Variants in PAPPA2 observed in about 807,000 individuals in gnomAD.
PAPPA2 encodes the protein pappalysin 2.
Under a neutral mutation model 176.4 loss-of-function variants are expected in PAPPA2, and 86 were observed. That is an observed-to-expected ratio of 0.49 (90% CI 0.41 to 0.58). The LOEUF (loss-of-function observed/expected upper bound fraction) is 0.58, where lower values mean the gene tolerates loss of function less well. Ranked by LOEUF, PAPPA2 falls within the 20% of genes least tolerant of loss-of-function variation. The pLI is 0.00. For synonymous variants in PAPPA2, 809 were observed against 852.2 expected (o/e 0.95, Z 0.88); for missense variants, 2,073 against 2,256.9 (o/e 0.92, Z 1.65).
intron 2 of PAPPA2, among the ~76,000 whole-genome samples, chr1:176,579,589 T>G (rs1652846352): frequency 6.6e-6 from 1 of 152,210 alleles, no homozygotes; most frequent in Non-Finnish European, 1.5e-5. Flanking sequence ...CAAGTAGTGG[T>G]CTGCAAATTT....
At chr1:176,516,190 AG>A (rs1648899537) in intron 1 of PAPPA2, among the ~76,000 whole-genome samples, 1 of 152,036 alleles carries the variant, frequency 6.6e-6, no homozygotes, top group Non-Finnish European at 1.5e-5. Context: ...CCCAAGCTCA[AG>A]TCCATGGTTG....
Position 176,806,793 on chromosome 1 carries a change from G to A in PAPPA2, c.5202+6661G>A, listed in dbSNP as rs1404229162. On this transcript the variant is annotated intron_variant, in intron 21 of 22. Coordinates refer to ENST00000367662, the MANE Select transcript of PAPPA2 (RefSeq NM_020318.3). ...GTTGTGCTAATTTTTCAGGAATAACGGCAAACCTGTTCTTGTTTCTGGGAA... is the reference window on the plus strand; with the variant it reads ...GTTGTGCTAATTTTTCAGGAATAACAGCAAACCTGTTCTTGTTTCTGGGAA... Among the ~76,000 whole-genome samples the A allele has an allele frequency of 3.3e-5, 5 of 152,114 alleles. No homozygotes were observed. The South Asian group carries it at 1.0e-3, about 32-fold the overall frequency.
intron 3 of PAPPA2, among the ~76,000 whole-genome samples, chr1:176,663,249 A>T (rs1390360121): frequency 6.6e-6 from 1 of 152,112 alleles, no homozygotes; most frequent in Admixed American, 6.5e-5. Flanking sequence ...ACTTCCCATC[A>T]TGGATTGACT....
intron 3 of PAPPA2, among the ~76,000 whole-genome samples, chr1:176,602,323 A>AG (rs1178717597): frequency 6.6e-6 from 1 of 152,186 alleles, no homozygotes; most frequent in Non-Finnish European, 1.5e-5. Flanking sequence ...AGTCCTCAAG[A>AG]GGGTGGCTGG....
In PAPPA2 at chr1:176,845,548, C is replaced by T. The variant is rs549968908; in HGVS notation, c.*3094C>T. 6.6e-6 allele frequency: 1 copy of T among 152,208 alleles called. No individual in the cohort carries two copies. The highest frequency in any genetic ancestry group is 1.5e-5 in the Non-Finnish European group (1 of 68,010). 9.4% of individuals were successfully genotyped at this position (152,208 alleles called of 1,614,324 possible). A position where few individuals can be genotyped will look rare whatever the true frequency, so the allele number is the denominator to read the frequency against. ...GTATTGTAATGTAAAACAGCTACAGCCAGTTATTTTGTAAGATTATAAGTT... is the reference window on the plus strand; with the variant it reads ...GTATTGTAATGTAAAACAGCTACAGTCAGTTATTTTGTAAGATTATAAGTT... On this transcript the variant is annotated 3_prime_UTR_variant, in exon 23 of 23. Transcript: ENST00000367662.
chr1:176,475,348 T>C (rs1652064422), intron 1 of PAPPA2, among the ~76,000 whole-genome samples: 1 of 152,094 alleles, frequency 6.6e-6, no homozygotes, highest in African/African-American at 2.4e-5. Flanking sequence ...CTAGCATAGG[T>C]GAGGAGTTTT....
chr1:176,535,158 A>G (rs1401629592), intron 1 of PAPPA2, among the ~76,000 whole-genome samples: 1 of 152,172 alleles, frequency 6.6e-6, no homozygotes, highest in Admixed American at 6.6e-5. Context: ...AAAATGTGCG[A>G]AAAAAGTGTC....
chr1:176,594,439 A>AT, intron 2 of PAPPA2, 85 bp from the exon 3 acceptor site: 1 of 1,168,550 alleles, frequency 8.6e-7, no homozygotes, highest in Non-Finnish European at 1.2e-6. Flanking sequence ...CATTCTTGTT[A>AT]TTTACATGGG....
chr1:176,635,696 TTTA>T (rs1431501910), intron 3 of PAPPA2, among the ~76,000 whole-genome samples: 4 of 152,164 alleles, frequency 2.6e-5, no homozygotes, highest in Non-Finnish European at 5.9e-5. Context: ...TTGTTCTTCT[TTTA>T]TTATTTTTTT....
At chr1:176,674,739 T>G (rs1381394523) in intron 4 of PAPPA2, among the ~76,000 whole-genome samples, 2 of 151,940 alleles carry the variant, frequency 1.3e-5, no homozygotes, top group Non-Finnish European at 2.9e-5. Context: ...CAAGTGTTTT[T>G]TTTTTTTTTT....
intron 1 of PAPPA2, among the ~76,000 whole-genome samples, chr1:176,464,383 C>G (rs1012849293): frequency 1.3e-5 from 2 of 152,152 alleles, no homozygotes; most frequent in Admixed American, 1.3e-4. Flanking sequence ...ATTTATTGAG[C>G]ACCTACAATG....
rs1161209797 is a variant in PAPPA2 at position 176,843,009 on chromosome 1, T to TTA, written c.*563_*564dup. 6.7e-6 allele frequency: 1 copy of TTA among 149,486 alleles called. No individual in the cohort carries two copies. The highest frequency in any genetic ancestry group is 1.5e-5 in the Non-Finnish European group (1 of 67,458). The allele number at this position is 149,486 out of a possible 1,614,324, so 9.3% of individuals were successfully genotyped here. ...ATTTAAACATAATTATATAAATATA[T>TTA]TATATATATTATATTTTTTGCTGTT... On this transcript the variant is annotated 3_prime_UTR_variant, in exon 23 of 23. Coordinates refer to ENST00000367662, the MANE Select transcript of PAPPA2 (RefSeq NM_020318.3).
chr1:176,754,683 C>T (rs1368271993), intron 14 of PAPPA2, among the ~76,000 whole-genome samples: 1 of 152,258 alleles, frequency 6.6e-6, no homozygotes, highest in African/African-American at 2.4e-5. Context: ...ATGTCACCTA[C>T]TTCCCAATTT....
chr1:176,502,594 A>G (rs1382568459), intron 1 of PAPPA2, among the ~76,000 whole-genome samples: 3 of 152,192 alleles, frequency 2.0e-5, no homozygotes, highest in East Asian at 1.9e-4. Context: ...CAAGTAAACA[A>G]CAATCACTAG....
In PAPPA2 at chr1:176,594,401, G is replaced by A. The variant is rs539037379; in HGVS notation, c.920-123G>A. The A allele has an allele frequency of 7.7e-3, 6,227 of 803,698 alleles. 42 individuals are homozygous for A. The highest frequency in any genetic ancestry group is 0.015 in the Middle Eastern group (43 of 2,898). 49.8% of individuals were successfully genotyped at this position (803,698 alleles called of 1,614,324 possible). A position where few individuals can be genotyped will look rare whatever the true frequency, so the allele number is the denominator to read the frequency against. On this transcript the variant is annotated intron_variant, in intron 2 of 22. Transcript: ENST00000367662. ...GCATCTCAGGTGAGAAATCTGTGTCGCTTACTTTATTCCCCATTAAAAACC... is the reference window on the plus strand; with the variant it reads ...GCATCTCAGGTGAGAAATCTGTGTCACTTACTTTATTCCCCATTAAAAACC...
intron 12 of PAPPA2, among the ~76,000 whole-genome samples, chr1:176,725,140 A>T (rs963348470): frequency 5.9e-5 from 9 of 152,224 alleles, no homozygotes; most frequent in African/African-American, 2.2e-4. Flanking sequence ...ATGAACAAGC[A>T]TAACTATATC....
At chr1:176,575,067 T>C (rs1192344094) in intron 2 of PAPPA2, among the ~76,000 whole-genome samples, 1 of 152,162 alleles carries the variant, frequency 6.6e-6, no homozygotes, top group African/African-American at 2.4e-5. Context: ...ACCCAGGCAG[T>C]AGGTGATGAG....
At chr1:176,737,712 A>G (rs554605648) in intron 12 of PAPPA2, among the ~76,000 whole-genome samples, 1 of 152,256 alleles carries the variant, frequency 6.6e-6, no homozygotes, top group South Asian at 2.1e-4. Flanking sequence ...CACCAGGAAC[A>G]GGCAAAGTGA....
At chr1:176,681,755 A>T (rs1659595360) in intron 4 of PAPPA2, among the ~76,000 whole-genome samples, 1 of 152,184 alleles carries the variant, frequency 6.6e-6, no homozygotes, top group South Asian at 2.1e-4. Flanking sequence ...TAAAAGGGAA[A>T]GAAATGTGTT....
Sources: allele counts gnomAD v4.1 joint callset (sites outside exome capture counted in the v4.1 genomes callset), GRCh38; gene constraint gnomAD v4.1.1; transcripts MANE v1.5; gene names NCBI Gene and HGNC (gene_info 2026-07-23, HGNC 2026-07-21).